RCL1: variants seen among roughly 807,000 people sequenced by gnomAD.
The protein encoded by RCL1 is RNA 3'-terminal phosphate cyclase-like protein.
RCL1 carries 24 observed loss-of-function variants against 42.4 expected under a neutral mutation model. The observed-to-expected ratio is 0.57, with a 90% CI of 0.41 to 0.80. The LOEUF is 0.80. RCL1 is among the 30% of genes least tolerant of loss of function. The probability of loss-of-function intolerance (pLI) is 0.00; values close to 1 mark genes in which losing one functional copy is unlikely to be tolerated. For synonymous variants in RCL1, 228 were observed against 177.3 expected, an observed-to-expected ratio of 1.29 and a Z score of -2.27; for missense variants, 578 against 467.9, an observed-to-expected ratio of 1.24 and a Z score of -2.17.
In RCL1 at chr9:4,834,170, A is replaced by T. The variant is rs1160544973; in HGVS notation, c.489A>T (p.Gly163=). 1 of 1,613,306 alleles carries T rather than the reference A, an allele frequency of 6.2e-7. No individual in the cohort carries two copies. The highest frequency in any genetic ancestry group is 8.5e-7 in the Non-Finnish European group (1 of 1,179,606). The change falls in exon 5 of 9, where the codon GGA becomes GGT. Residue 163 remains glycine, a synonymous_variant. Transcript: ENST00000381750. ...KIVRRGMPPG[G]GGEVVFSCPV... is the part of the protein sequence containing the mutation. ...TGCGACGGGGAATGCCTCCCGGAGG[A>T]GGAGGCGAAGTGGTTTTCTCATGTC...
At chr9:4,805,717 G>A (rs568470733) in intron 1 of RCL1, among the ~76,000 whole-genome samples, 1 of 152,242 alleles carries the variant, frequency 6.6e-6, no homozygotes, top group Non-Finnish European at 1.5e-5. Context: ...AGTGCATGCT[G>A]GTGGATGGAG....
At chr9:4,849,851 C>G (rs1309124789) in intron 8 of RCL1, among the ~76,000 whole-genome samples, 1 of 152,084 alleles carries the variant, frequency 6.6e-6, no homozygotes, top group East Asian at 1.9e-4. Context: ...TTTGGTGTAG[C>G]TTGGATTTTA....
intron 8 of RCL1, among the ~76,000 whole-genome samples, chr9:4,851,885 C>CTTTTTCT (rs1817762855): frequency 8.0e-6 from 1 of 124,464 alleles, no homozygotes; most frequent in African/African-American, 3.0e-5. Context: ...GTGTGAAACT[C>CTTTTTCT]TTTTTTTTTT....
At position 4,860,227 on chromosome 9, in the gene RCL1, G is replaced by A. The variant is rs1015344371; in HGVS notation, c.1074G>A (p.Met358Ile). 1 of 1,613,532 alleles carries A rather than the reference G, an allele frequency of 6.2e-7. No homozygotes were observed. The highest frequency in any genetic ancestry group is 1.7e-5 in the Admixed American group (1 of 59,924). The change falls in exon 9 of 9, where the codon ATG becomes ATA. Residue 358 changes from methionine (M) to isoleucine (I), a missense_variant. By Grantham distance (10) the Met-to-Ile change is conservative. Transcript: ENST00000381750. The part of the protein sequence containing the change: ...EELKGGDKVL[M>I]TCVGIGFSNL... Reference sequence around the variant, plus strand: ...TCAAGGGTGGGGATAAAGTGCTGATGACCTGTGTTGGCATTGGTTTCTCCA... The same window carrying A: ...TCAAGGGTGGGGATAAAGTGCTGATAACCTGTGTTGGCATTGGTTTCTCCA...
In RCL1 at chr9:4,843,536, G is replaced by A. The variant is rs373594928; in HGVS notation, c.711-989G>A. ...GATAACACATATTTCCCACAAGTTG[G>A]GAAGAAAAATTAGAGTAATTTACAT... On this transcript the variant is annotated intron_variant, in intron 6 of 8. Transcript: ENST00000381750. Among the ~76,000 whole-genome samples, 14 of 152,122 alleles carry A rather than the reference G, an allele frequency of 9.2e-5. No individual in the cohort carries two copies. The South Asian group carries it at 2.9e-3, about 32-fold the overall frequency.
chr9:4,826,766 A>G, intron 2 of RCL1, 92 bp from the exon 3 acceptor site: 1 of 1,152,404 alleles, frequency 8.7e-7, no homozygotes, highest in Non-Finnish European at 1.2e-6. Flanking sequence ...TGCCCTTGTC[A>G]GGCTTTCCCC....
chr9:4,833,035 T>C (rs1161550034), intron 3 of RCL1, 119 bp from the exon 4 acceptor site: 4 of 691,408 alleles, frequency 5.8e-6, no homozygotes. Flanking sequence ...TATGCCAGCA[T>C]CCTTTCTGTT....
At chr9:4,840,933 C>T (rs1311525630) in intron 5 of RCL1, among the ~76,000 whole-genome samples, 5 of 152,048 alleles carry the variant, frequency 3.3e-5, no homozygotes, top group African/African-American at 2.4e-5. Context: ...TTACACCTTC[C>T]AAAATTGACT....
intron 1 of RCL1, among the ~76,000 whole-genome samples, chr9:4,799,436 T>C (rs188181639): frequency 6.6e-6 from 1 of 152,336 alleles, no homozygotes; most frequent in African/African-American, 2.4e-5. Context: ...GGAAAAACTA[T>C]GGTACAATGT....
chr9:4,807,482 T>C (rs986494636), intron 1 of RCL1, among the ~76,000 whole-genome samples: 1 of 152,226 alleles, frequency 6.6e-6, no homozygotes, highest in Non-Finnish European at 1.5e-5. Flanking sequence ...GTAATTTTTA[T>C]TTTCTTTGAA....
intron 8 of RCL1, among the ~76,000 whole-genome samples, chr9:4,855,072 A>ACAAAC (rs1554643210): frequency 7.1e-6 from 1 of 140,628 alleles, no homozygotes; most frequent in African/African-American, 2.7e-5. Context: ...AAAAAAAAAA[A>ACAAAC]ATAGGAAAAG....
Position 4,826,904 on chromosome 9 carries a change from G to A in RCL1, c.255G>A (p.Val85=), listed in dbSNP as rs1563842237. 3 of 1,614,110 alleles carry A rather than the reference G, an allele frequency of 1.9e-6. No individual in the cohort carries two copies. Among genetic ancestry groups the A allele is most frequent in the Non-Finnish European group, 2.5e-6 (3 of 1,179,992 alleles). The change falls in exon 3 of 9, where the codon GTG becomes GTA. Residue 85 remains valine (V), a synonymous_variant. Coordinates refer to ENST00000381750, the MANE Select transcript of RCL1 (RefSeq NM_005772.5). ...CTGGCCTCCTGTATGGTGGATCTGT[G>A]GAACATGACTGTAGCGTCCTTCGTG... is the stretch of plus-strand genomic sequence containing the variant. ...YQPGLLYGGS[V]EHDCSVLRGI...
chr9:4,859,143 T>C (rs1170606650), intron 8 of RCL1, among the ~76,000 whole-genome samples: 1 of 152,230 alleles, frequency 6.6e-6, no homozygotes, highest in Non-Finnish European at 1.5e-5. Context: ...GCGAGACCAT[T>C]AGAAGCCTGT....
At chr9:4,852,504 G>T (rs1817785788) in intron 8 of RCL1, among the ~76,000 whole-genome samples, 3 of 152,232 alleles carry the variant, frequency 2.0e-5, no homozygotes, top group African/African-American at 7.2e-5. Flanking sequence ...AAGTCTTGGA[G>T]TCCAGCCTAT....
intron 5 of RCL1, among the ~76,000 whole-genome samples, chr9:4,840,406 A>G (rs1010263582): frequency 6.6e-6 from 1 of 152,164 alleles, no homozygotes; most frequent in Non-Finnish European, 1.5e-5. Context: ...CTCAATACAT[A>G]CTTACTTTTT....
intron 1 of RCL1, among the ~76,000 whole-genome samples, chr9:4,808,047 A>C (rs1156381360): frequency 6.6e-6 from 1 of 152,032 alleles, no homozygotes; most frequent in African/African-American, 2.4e-5. Flanking sequence ...GGAGTGCTCT[A>C]TAAATGTTGA....
Position 4,812,682 on chromosome 9 carries a change from A to G in RCL1, c.137-10866A>G, listed in dbSNP as rs1332187829. Among the ~76,000 whole-genome samples the G allele has an allele frequency of 3.3e-5, 5 of 151,938 alleles. No individual in the cohort carries two copies. The East Asian group carries it at 7.7e-4, about 24-fold the overall frequency. The stretch of plus-strand genomic sequence containing the variant: ...TTTTTCTGTTTCTGTAAATAATCTC[A>G]TTGGTATTTTGATAGGGATTGCATT... On this transcript the variant is annotated intron_variant, in intron 1 of 8. Transcript: ENST00000381750.
At chr9:4,817,441 C>G (rs1179646936) in intron 1 of RCL1, among the ~76,000 whole-genome samples, 5 of 148,422 alleles carry the variant, frequency 3.4e-5, no homozygotes, top group Non-Finnish European at 7.4e-5. Context: ...GTTGTATGTT[C>G]TCAGTTAATT....
chr9:4,854,804 C>G (rs1347385593), intron 8 of RCL1, among the ~76,000 whole-genome samples: 1 of 152,130 alleles, frequency 6.6e-6, no homozygotes, highest in African/African-American at 2.4e-5. Context: ...CACCTGTAAT[C>G]CCAGCACTTT....
Sources: gnomAD v4.1 joint callset for allele counts (sites outside exome capture counted in the v4.1 genomes callset) on GRCh38, gnomAD v4.1.1 for gene constraint, MANE v1.5 for transcripts, NCBI Gene and HGNC (gene_info 2026-07-23, HGNC 2026-07-21) for gene names.